ZNF804A: variants seen among roughly 807,000 people sequenced by gnomAD.
ZNF804A encodes zinc finger protein 804A.
A neutral mutation model predicts 16.5 loss-of-function variants in ZNF804A; 2 were observed. The ratio of observed to expected loss-of-function variants is 0.12; its 90% CI spans 0.05 to 0.38. The LOEUF (loss-of-function observed/expected upper bound fraction) is 0.38. Ranked by LOEUF, ZNF804A falls within the 10% of genes least tolerant of loss-of-function variation. ZNF804A has a pLI of 0.99. For missense variants in ZNF804A, 1,473 were observed against 1,390.7 expected, an observed-to-expected ratio of 1.06 and a Z score of -0.94; for synonymous variants, 534 against 489.6, an observed-to-expected ratio of 1.09 and a Z score of -1.20.
At chr2:184,886,926 G>A (rs1436730686) in intron 2 of ZNF804A, among the ~76,000 whole-genome samples, 1 of 152,226 alleles carries the variant, frequency 6.6e-6, no homozygotes, top group Non-Finnish European at 1.5e-5. Flanking sequence ...CATGGTTTTT[G>A]GGATTAACAT....
intron 1 of ZNF804A, among the ~76,000 whole-genome samples, chr2:184,836,167 T>C (rs1574234486): frequency 6.6e-6 from 1 of 152,268 alleles, no homozygotes; most frequent in East Asian, 1.9e-4. Context: ...ACATGGTAGT[T>C]GCTTTTTAAA....
At chr2:184,703,689 C>CAAAAAAAAA (rs10593157) in intron 1 of ZNF804A, among the ~76,000 whole-genome samples, 1 of 56,456 alleles carries the variant, frequency 1.8e-5, no homozygotes. Context: ...GACTCCGGTT[C>CAAAAAAAAA]AAAAAAAAAA....
intron 1 of ZNF804A, among the ~76,000 whole-genome samples, chr2:184,609,751 T>A (rs1415832185): frequency 4.6e-5 from 7 of 152,246 alleles, no homozygotes; most frequent in African/African-American, 1.7e-4. Flanking sequence ...GACCCGATTA[T>A]CTCCCAAAGG....
intron 1 of ZNF804A, among the ~76,000 whole-genome samples, chr2:184,794,917 A>T (rs903515911): frequency 6.6e-6 from 1 of 152,190 alleles, no homozygotes; most frequent in Non-Finnish European, 1.5e-5. Context: ...TCCCAAATTT[A>T]TAAAGCAATT....
At chr2:184,744,331 T>C (rs913160546) in intron 1 of ZNF804A, among the ~76,000 whole-genome samples, 1 of 151,944 alleles carries the variant, frequency 6.6e-6, no homozygotes, top group African/African-American at 2.4e-5. Context: ...ATGGTCTGAA[T>C]GTTTGTGTCT....
At chr2:184,813,897 C>T (rs766245811) in intron 1 of ZNF804A, among the ~76,000 whole-genome samples, 47 of 151,218 alleles carry the variant, frequency 3.1e-4, no homozygotes, top group Middle Eastern at 3.4e-3. Context: ...CTTTGATTGT[C>T]TCCCTTCTGG....
At chr2:184,810,672 A>G (rs898702234) in intron 1 of ZNF804A, among the ~76,000 whole-genome samples, 2 of 151,652 alleles carry the variant, frequency 1.3e-5, no homozygotes, top group Non-Finnish European at 2.9e-5. Flanking sequence ...TTGTATTTTT[A>G]GTAGAAACGG....
chr2:184,620,084 C>T (rs17617408), intron 1 of ZNF804A, among the ~76,000 whole-genome samples: 17,327 of 151,466 alleles, frequency 0.11, 1,408 homozygotes, highest in East Asian at 0.29. Flanking sequence ...ATGATAAACA[C>T]TTATTTCACT....
intron 2 of ZNF804A, among the ~76,000 whole-genome samples, chr2:184,925,850 C>CT (rs1395589270): frequency 6.6e-6 from 1 of 151,934 alleles, no homozygotes; most frequent in Non-Finnish European, 1.5e-5. Flanking sequence ...GAACCCTACG[C>CT]TATAACTTTG....
At position 184,819,962 on chromosome 2, in the gene ZNF804A, G is replaced by C. The variant is rs1205762007; in HGVS notation, c.112-46407G>C. Among the ~76,000 whole-genome samples the C allele has an allele frequency of 3.9e-5, 6 of 151,968 alleles. No homozygotes were observed. In the East Asian group the frequency reaches 9.7e-4, roughly 25 times the overall value. On this transcript the variant is annotated intron_variant, in intron 1 of 3. Coordinates refer to ENST00000302277, the MANE Select transcript of ZNF804A (RefSeq NM_194250.2). The stretch of plus-strand genomic sequence containing the variant: ...ACCAAAACAAGCCCATGACCAGATG[G>C]ATTTACAACTAAATTTTACCGGGGG...
intron 1 of ZNF804A, among the ~76,000 whole-genome samples, chr2:184,792,284 G>A (rs1392023635): frequency 1.3e-5 from 2 of 152,100 alleles, no homozygotes; most frequent in Non-Finnish European, 2.9e-5. Flanking sequence ...ATTTCTATCA[G>A]CAATGAATGA....
At position 184,936,001 on chromosome 2, in the gene ZNF804A, A is replaced by G; in HGVS notation, c.605A>G (p.Asp202Gly). The change falls in exon 4 of 4, where the codon GAT becomes GGT. Residue 202 changes from aspartate (D) to glycine (G), a missense_variant. By Grantham distance (94) the Asp-to-Gly change is moderately conservative. Coordinates refer to ENST00000302277, the MANE Select transcript of ZNF804A (RefSeq NM_194250.2). ...NYTAKNNQVGDQAQGIHRHKI... is the reference protein window; with the variant it reads ...NYTAKNNQVGGQAQGIHRHKI... ...ACAGCAAAAAATAACCAAGTTGGGG[A>G]TCAAGCCCAGGGGATTCACAGACAC... 1.2e-6 allele frequency: 2 copies of G among 1,614,050 alleles called. No homozygotes were observed. The highest frequency in any genetic ancestry group is 1.7e-6 in the Non-Finnish European group (2 of 1,179,956).
At chr2:184,890,301 C>T (rs1055824780) in intron 2 of ZNF804A, among the ~76,000 whole-genome samples, 7 of 152,104 alleles carry the variant, frequency 4.6e-5, no homozygotes, top group African/African-American at 1.7e-4. Flanking sequence ...TAGATGTTAA[C>T]CCCCAACTTT....
intron 1 of ZNF804A, among the ~76,000 whole-genome samples, chr2:184,699,359 A>G (rs1478598818): frequency 6.6e-6 from 1 of 152,164 alleles, no homozygotes; most frequent in Non-Finnish European, 1.5e-5. Context: ...AAAGCTTTCA[A>G]TGAGTTAATA....
At chr2:184,835,271 C>A (rs1695324619) in intron 1 of ZNF804A, among the ~76,000 whole-genome samples, 2 of 152,050 alleles carry the variant, frequency 1.3e-5, no homozygotes, top group Non-Finnish European at 2.9e-5. Flanking sequence ...CTGGTCCTTG[C>A]AGACCAGGGC....
chr2:184,764,813 A>G (rs1456642089), intron 1 of ZNF804A, among the ~76,000 whole-genome samples: 2 of 152,202 alleles, frequency 1.3e-5, no homozygotes, highest in Admixed American at 6.5e-5. Context: ...TTATGAAAAA[A>G]ATGATGTGCA....
intron 1 of ZNF804A, among the ~76,000 whole-genome samples, chr2:184,648,365 C>T (rs1408475617): frequency 1.3e-5 from 2 of 152,054 alleles, no homozygotes; most frequent in African/African-American, 4.8e-5. Context: ...AAACTCAAGA[C>T]CAACCAGCTA....
intron 2 of ZNF804A, among the ~76,000 whole-genome samples, chr2:184,929,163 C>T (rs148256805): frequency 1.3e-3 from 204 of 152,300 alleles, no homozygotes; most frequent in Non-Finnish European, 2.5e-3. Flanking sequence ...TTATCTAAAT[C>T]TGGAGCTGCT....
rs564930129 is a variant in ZNF804A at position 184,839,842 on chromosome 2, C to A, written c.112-26527C>A. On this transcript the variant is annotated intron_variant, in intron 1 of 3. Transcript: ENST00000302277. Reference sequence around the variant, plus strand: ...TATTTTTTCATTTTTGATTAATTAACATTTATCAGTTCTCAATAAATCTCT... The same window carrying A: ...TATTTTTTCATTTTTGATTAATTAAAATTTATCAGTTCTCAATAAATCTCT... 1.4e-4 allele frequency among the ~76,000 whole-genome samples: 21 copies of A among 152,082 alleles called. No homozygotes were observed. In the East Asian group the frequency reaches 3.3e-3, roughly 24 times the overall value.
Sources: gnomAD v4.1 joint callset for allele counts (sites outside exome capture counted in the v4.1 genomes callset) on GRCh38, gnomAD v4.1.1 for gene constraint, MANE v1.5 for transcripts, NCBI Gene and HGNC (gene_info 2026-07-23, HGNC 2026-07-21) for gene names.